EBF1: variants seen among roughly 807,000 people sequenced by gnomAD.
EBF1 encodes EBF transcription factor 1, also known as transcription factor COE1.
Under a neutral mutation model 68.4 loss-of-function variants are expected in EBF1, and 10 were observed. That is an observed-to-expected ratio of 0.15 (90% CI 0.09 to 0.25). EBF1 has a LOEUF of 0.25. Ranked by LOEUF, EBF1 falls within the 10% of genes least tolerant of loss-of-function variation. The pLI, the probability that EBF1 is intolerant of heterozygous loss-of-function variation, is 1.00. For missense variants in EBF1, 509 were observed against 794.4 expected, an observed-to-expected ratio of 0.64 and a Z score of 4.32; for synonymous variants, 298 against 299.8, an observed-to-expected ratio of 0.99 and a Z score of 0.06.
chr5:158,940,082 C>T (rs562130873), intron 6 of EBF1, among the ~76,000 whole-genome samples: 2 of 152,298 alleles, frequency 1.3e-5, no homozygotes, highest in East Asian at 1.9e-4. Context: ...TGCCTTGCCT[C>T]GCCCTGGTGC....
intron 8 of EBF1, among the ~76,000 whole-genome samples, chr5:158,822,688 T>G (rs1785123312): frequency 6.6e-6 from 1 of 152,162 alleles, no homozygotes; most frequent in African/African-American, 2.4e-5. Flanking sequence ...GAACCTGATC[T>G]CCAAATGAAG....
intron 6 of EBF1, among the ~76,000 whole-genome samples, chr5:158,966,376 A>G (rs976591670): frequency 6.6e-6 from 1 of 152,164 alleles, no homozygotes; most frequent in Non-Finnish European, 1.5e-5. Flanking sequence ...TTCCAATTTG[A>G]TGATCACTTT....
At chr5:158,750,057 C>A (rs1768455253) in intron 10 of EBF1, among the ~76,000 whole-genome samples, 1 of 152,044 alleles carries the variant, frequency 6.6e-6, no homozygotes, top group Admixed American at 6.6e-5. Context: ...AACATTAATG[C>A]TCTGTCAAAA....
chr5:158,767,719 G>A (rs1487846202), intron 10 of EBF1, among the ~76,000 whole-genome samples: 1 of 152,070 alleles, frequency 6.6e-6, no homozygotes, highest in African/African-American at 2.4e-5. Flanking sequence ...GTGTGGAATA[G>A]GAGAGAACAA....
At chr5:158,708,269 G>A in intron 14 of EBF1, 96 bp from the exon 15 acceptor site, 4 of 1,269,006 alleles carry the variant, frequency 3.2e-6, no homozygotes, top group Non-Finnish European at 4.4e-6. Context: ...ACCTTGCTCT[G>A]CCCTGCTCAG....
intron 6 of EBF1, among the ~76,000 whole-genome samples, chr5:158,942,581 T>C (rs542340267): frequency 6.6e-6 from 1 of 152,272 alleles, no homozygotes; most frequent in East Asian, 1.9e-4. Flanking sequence ...ACTGGATTAC[T>C]AGTTATCATG....
At chr5:158,825,152 G>A (rs1394370629) in intron 7 of EBF1, among the ~76,000 whole-genome samples, 4 of 152,156 alleles carry the variant, frequency 2.6e-5, no homozygotes, top group Non-Finnish European at 5.9e-5. Flanking sequence ...AGCCTTATGT[G>A]TAAACACAGC....
chr5:158,721,418 C>T (rs1043859267), intron 11 of EBF1, among the ~76,000 whole-genome samples: 1 of 150,646 alleles, frequency 6.6e-6, no homozygotes, highest in Non-Finnish European at 1.5e-5. Flanking sequence ...GTTATTGCCA[C>T]AATGGAAAAA....
chr5:158,925,314 G>A (rs1242826769), intron 6 of EBF1, among the ~76,000 whole-genome samples: 1 of 152,164 alleles, frequency 6.6e-6, no homozygotes, highest in Non-Finnish European at 1.5e-5. Context: ...CAGAATAGGG[G>A]CCTTGTCTGC....
At chr5:159,059,265 A>T (rs567345841) in intron 6 of EBF1, among the ~76,000 whole-genome samples, 2 of 152,274 alleles carry the variant, frequency 1.3e-5, no homozygotes, top group East Asian at 3.9e-4. Flanking sequence ...TCCAGGATAG[A>T]TCAAGGAATT....
chr5:158,876,554 C>G (rs1797843217), intron 6 of EBF1, among the ~76,000 whole-genome samples: 2 of 152,182 alleles, frequency 1.3e-5, no homozygotes, highest in African/African-American at 4.8e-5. Flanking sequence ...GAAAAGGAAG[C>G]TCCTACAACC....
intron 6 of EBF1, among the ~76,000 whole-genome samples, chr5:158,931,612 CA>C (rs1810909435): frequency 6.6e-6 from 1 of 152,164 alleles, no homozygotes; most frequent in Admixed American, 6.5e-5. Flanking sequence ...AGAGGTACCT[CA>C]AAATGCTCTA....
chr5:159,016,027 A>G (rs1318732609), intron 6 of EBF1, among the ~76,000 whole-genome samples: 12 of 152,224 alleles, frequency 7.9e-5, no homozygotes, highest in East Asian at 1.9e-4. Context: ...TCCTGTCTTT[A>G]AGAAAATTGT....
intron 6 of EBF1, among the ~76,000 whole-genome samples, chr5:158,969,684 A>G (rs1182989858): frequency 6.6e-6 from 1 of 151,116 alleles, no homozygotes; most frequent in Non-Finnish European, 1.5e-5. Context: ...CTGAGGTGGG[A>G]GGATCACTTG....
At chr5:158,749,830 T>C (rs1382548897) in intron 10 of EBF1, among the ~76,000 whole-genome samples, 2 of 152,140 alleles carry the variant, frequency 1.3e-5, no homozygotes, top group East Asian at 3.8e-4. Flanking sequence ...ATTAGCCTGC[T>C]AGAATATTTA....
intron 5 of EBF1, among the ~76,000 whole-genome samples, chr5:159,083,451 G>C (rs939113547): frequency 6.6e-6 from 1 of 152,066 alleles, no homozygotes; most frequent in Non-Finnish European, 1.5e-5. Context: ...TAGTTAACAA[G>C]TTTTACAAAT....
intron 6 of EBF1, among the ~76,000 whole-genome samples, chr5:158,991,044 C>A (rs1286517698): frequency 2.0e-5 from 3 of 152,146 alleles, no homozygotes; most frequent in Non-Finnish European, 4.4e-5. Flanking sequence ...TAACAGACAT[C>A]GTAGGGAAGG....
Position 159,005,702 on chromosome 5 carries a change from A to T in EBF1, c.554+67694T>A, listed in dbSNP as rs192159361. 2.4e-3 allele frequency among the ~76,000 whole-genome samples: 366 copies of T among 152,358 alleles called. 1 individual carries two copies. The highest frequency in any genetic ancestry group is 4.3e-3 in the Non-Finnish European group (293 of 68,036). On this transcript the variant is annotated intron_variant, in intron 6 of 15. Coordinates refer to ENST00000313708, the MANE Select transcript of EBF1 (RefSeq NM_024007.5). ...AACTTTTGAAAGAAGACAAAAAATT[A>T]TGATGATAGAATGCAGTGGTTCCTT...
At chr5:158,975,435 A>G (rs1299081925) in intron 6 of EBF1, among the ~76,000 whole-genome samples, 1 of 152,194 alleles carries the variant, frequency 6.6e-6, no homozygotes, top group Non-Finnish European at 1.5e-5. Flanking sequence ...TAAAGTTGTG[A>G]ATGCTGTGTG....
Sources: gnomAD v4.1 joint callset for allele counts (sites outside exome capture counted in the v4.1 genomes callset) on GRCh38, gnomAD v4.1.1 for gene constraint, MANE v1.5 for transcripts, NCBI Gene and HGNC (gene_info 2026-07-23, HGNC 2026-07-21) for gene names.